Variants in GRM8 observed in about 807,000 individuals in gnomAD.
GRM8 encodes the protein glutamate metabotropic receptor 8.
GRM8 carries 47 observed loss-of-function variants against 87.2 expected under a neutral mutation model. That is an observed-to-expected ratio of 0.54 (90% CI 0.43 to 0.69). The LOEUF (loss-of-function observed/expected upper bound fraction) is 0.69. Among genes scored for constraint, GRM8 ranks in the 30% least tolerant of loss-of-function variants. GRM8 has a pLI of 0.00. For missense variants in GRM8, 1,019 were observed against 1,139.2 expected (o/e 0.89, Z 1.52); for synonymous variants, 396 against 404.5 (o/e 0.98, Z 0.25).
chr7:126,614,870 T>A (rs1799293167), intron 7 of GRM8, among the ~76,000 whole-genome samples: 1 of 152,162 alleles, frequency 6.6e-6, no homozygotes, highest in Non-Finnish European at 1.5e-5. Context: ...AATACGGGAC[T>A]ATGTGAAAAG....
At chr7:127,039,293 C>T (rs1372502491) in intron 3 of GRM8, among the ~76,000 whole-genome samples, 1 of 151,990 alleles carries the variant, frequency 6.6e-6, no homozygotes, top group Non-Finnish European at 1.5e-5. Flanking sequence ...GACTGGTGTT[C>T]TTATAAGAAC....
At chr7:126,942,225 T>C (rs573372300) in intron 3 of GRM8, among the ~76,000 whole-genome samples, 1 of 152,366 alleles carries the variant, frequency 6.6e-6, no homozygotes, top group Non-Finnish European at 1.5e-5. Flanking sequence ...ACGTACCTAT[T>C]TTTTAAGTGT....
chr7:126,470,701 T>TACCCA (rs1805085429), intron 9 of GRM8, among the ~76,000 whole-genome samples: 1 of 152,180 alleles, frequency 6.6e-6, no homozygotes, highest in Admixed American at 6.5e-5. Flanking sequence ...TTTGGGTATA[T>TACCCA]ACCCAGTAAT....
intron 6 of GRM8, among the ~76,000 whole-genome samples, chr7:126,818,031 C>G (rs909281703): frequency 6.6e-6 from 1 of 151,954 alleles, no homozygotes; most frequent in Non-Finnish European, 1.5e-5. Flanking sequence ...GCACATAAGT[C>G]TTAAACTTCT....
intron 3 of GRM8, among the ~76,000 whole-genome samples, chr7:127,062,752 G>T (rs1820736018): frequency 6.6e-6 from 1 of 152,092 alleles, no homozygotes; most frequent in Non-Finnish European, 1.5e-5. Flanking sequence ...GGGTGTAATT[G>T]TCCAGAAATT....
intron 2 of GRM8, among the ~76,000 whole-genome samples, chr7:127,109,197 C>T (rs909478894): frequency 6.6e-6 from 1 of 150,594 alleles, no homozygotes; most frequent in Non-Finnish European, 1.5e-5. Flanking sequence ...ACCAGAAACA[C>T]AGCAATGGAA....
intron 7 of GRM8, among the ~76,000 whole-genome samples, chr7:126,718,638 T>C (rs1256274928): frequency 6.6e-6 from 1 of 152,182 alleles, no homozygotes; most frequent in Non-Finnish European, 1.5e-5. Context: ...GACTTTCCAT[T>C]TGACTTGCAT....
intron 3 of GRM8, among the ~76,000 whole-genome samples, chr7:127,099,546 C>T (rs145359836): frequency 3.3e-5 from 5 of 152,268 alleles, no homozygotes; most frequent in African/African-American, 9.6e-5. Context: ...AGTCTGGAAC[C>T]CTGAATTATC....
At chr7:126,684,651 G>A (rs1336843437) in intron 7 of GRM8, among the ~76,000 whole-genome samples, 2 of 152,198 alleles carry the variant, frequency 1.3e-5, no homozygotes, top group African/African-American at 4.8e-5. Flanking sequence ...TGTCATAGAT[G>A]TGTAGCAAGA....
intron 7 of GRM8, among the ~76,000 whole-genome samples, chr7:126,742,658 T>C (rs1253750663): frequency 1.3e-5 from 2 of 151,786 alleles, no homozygotes; most frequent in African/African-American, 4.8e-5. Context: ...CAAGTCCCCA[T>C]CCAGCAAAAT....
intron 3 of GRM8, among the ~76,000 whole-genome samples, chr7:127,056,779 G>A (rs1007529817): frequency 7.2e-5 from 11 of 152,248 alleles, no homozygotes; most frequent in South Asian, 2.1e-4. Flanking sequence ...GCTGTCAACC[G>A]GTGGAGCTTA....
intron 2 of GRM8, among the ~76,000 whole-genome samples, chr7:127,218,299 G>A (rs566011856): frequency 2.0e-4 from 31 of 152,292 alleles, no homozygotes; most frequent in Middle Eastern, 3.4e-3. Flanking sequence ...CAACCAGCTG[G>A]GGAATGAGGA....
intron 2 of GRM8, among the ~76,000 whole-genome samples, chr7:127,172,761 A>T (rs139705360): frequency 2.2e-4 from 33 of 152,162 alleles, no homozygotes; most frequent in African/African-American, 6.0e-4. Context: ...ATTATTATGC[A>T]TATTATATAT....
chr7:127,112,876 A>G (rs1826462756), intron 2 of GRM8, among the ~76,000 whole-genome samples: 1 of 152,260 alleles, frequency 6.6e-6, no homozygotes, highest in African/African-American at 2.4e-5. Context: ...ATGTGTCATT[A>G]AAGAATAAAA....
intron 8 of GRM8, among the ~76,000 whole-genome samples, chr7:126,596,096 A>G (rs1797163115): frequency 6.6e-6 from 1 of 152,164 alleles, no homozygotes; most frequent in African/African-American, 2.4e-5. Flanking sequence ...TGCTCTCCAG[A>G]GTGGGTAACA....
chr7:127,184,480 AG>A (rs1794638216), intron 2 of GRM8, among the ~76,000 whole-genome samples: 1 of 151,948 alleles, frequency 6.6e-6, no homozygotes, highest in Non-Finnish European at 1.5e-5. Context: ...TCAGCAAACT[AG>A]GAATGCAGGG....
chr7:126,965,694 T>C (rs1204582), intron 3 of GRM8, among the ~76,000 whole-genome samples: 132,296 of 151,982 alleles, frequency 0.87, 58,002 homozygotes, highest in East Asian at 0.98. Flanking sequence ...TATCTTTATT[T>C]CCTTATTTTC....
chr7:126,551,696 T>TA (rs1792606595), intron 8 of GRM8, among the ~76,000 whole-genome samples: 1 of 149,964 alleles, frequency 6.7e-6, no homozygotes, highest in Non-Finnish European at 1.5e-5. Flanking sequence ...TTTTTTTTTT[T>TA]ATCCATCCAT....
chr7:126,617,600 G>T (rs1229473635), intron 7 of GRM8, among the ~76,000 whole-genome samples: 3 of 152,152 alleles, frequency 2.0e-5, no homozygotes, highest in Non-Finnish European at 2.9e-5. Context: ...CCTGTTTGCA[G>T]ATGACATGAT....
Sources: gnomAD v4.1 joint callset for allele counts (sites outside exome capture counted in the v4.1 genomes callset) on GRCh38, gnomAD v4.1.1 for gene constraint, MANE v1.5 for transcripts, NCBI Gene and HGNC (gene_info 2026-07-23, HGNC 2026-07-21) for gene names.